DOCK3: variants seen among roughly 807,000 people sequenced by gnomAD.
DOCK3 encodes dedicator of cytokinesis 3, also known as dedicator of cytokinesis protein 3.
Under a neutral mutation model 265.6 loss-of-function variants are expected in DOCK3, and 60 were observed. The ratio of observed to expected loss-of-function variants is 0.23; its 90% CI spans 0.18 to 0.28. The LOEUF is 0.28. Ranked by LOEUF, DOCK3 falls within the 10% of genes least tolerant of loss-of-function variation. The probability of loss-of-function intolerance (pLI) is 1.00; values close to 1 mark genes in which losing one functional copy is unlikely to be tolerated. For missense variants in DOCK3, 1,981 were observed against 2,594.3 expected (o/e 0.76, Z 5.14); for synonymous variants, 881 against 938.0 (o/e 0.94, Z 1.11).
intron 4 of DOCK3, among the ~76,000 whole-genome samples, chr3:50,915,300 A>G (rs2050058786): frequency 6.6e-6 from 1 of 152,032 alleles, no homozygotes. Flanking sequence ...GCTTTGCAGT[A>G]TCCCAGACTA....
At chr3:51,215,981 G>GA (rs3215254) in intron 14 of DOCK3, among the ~76,000 whole-genome samples, 121 of 139,528 alleles carry the variant, frequency 8.7e-4, no homozygotes, top group Admixed American at 1.3e-3. Context: ...TCTTGACTAT[G>GA]AAAAAAAAAA....
At chr3:51,021,868 G>T (rs1316362425) in intron 5 of DOCK3, among the ~76,000 whole-genome samples, 1 of 151,730 alleles carries the variant, frequency 6.6e-6, no homozygotes, top group Non-Finnish European at 1.5e-5. Flanking sequence ...TCACTGTGTT[G>T]GCCAGGCTGG....
At chr3:50,987,691 G>A in intron 5 of DOCK3, among the ~76,000 whole-genome samples, 1 of 152,160 alleles carries the variant, frequency 6.6e-6, no homozygotes, top group East Asian at 1.9e-4. Context: ...TTGACGCATG[G>A]AGAACGAAGA....
At chr3:51,033,158 A>G (rs2080120009) in intron 5 of DOCK3, among the ~76,000 whole-genome samples, 1 of 152,116 alleles carries the variant, frequency 6.6e-6, no homozygotes, top group African/African-American at 2.4e-5. Flanking sequence ...TCCCATTAAA[A>G]CTTTCACAGA....
chr3:50,717,622 T>C (rs2037200118), intron 1 of DOCK3, among the ~76,000 whole-genome samples: 1 of 152,208 alleles, frequency 6.6e-6, no homozygotes, highest in Non-Finnish European at 1.5e-5. Flanking sequence ...AGTGTCTTTA[T>C]GTTTCCTTTT....
intron 1 of DOCK3, among the ~76,000 whole-genome samples, chr3:50,686,475 TCA>T (rs1366596922): frequency 1.3e-5 from 2 of 152,368 alleles, no homozygotes; most frequent in Non-Finnish European, 2.9e-5. Flanking sequence ...CCTGGTTTAT[TCA>T]CAGATTGGTC....
In DOCK3 at chr3:50,927,923, G is replaced by A. The variant is rs1022934093; in HGVS notation, c.219-6058G>A. Reference sequence around the variant, plus strand: ...TCTTTTGAGATTCCTATTAGCAGTAGACGAGAGTTTTTCCACCTCTCTCCC... The same window carrying A: ...TCTTTTGAGATTCCTATTAGCAGTAAACGAGAGTTTTTCCACCTCTCTCCC... On this transcript the variant is annotated intron_variant, in intron 4 of 52. Transcript: ENST00000266037. Among the ~76,000 whole-genome samples the A allele has an allele frequency of 2.0e-5, 3 of 152,090 alleles. No homozygotes were observed. The South Asian group carries it at 6.2e-4, about 32-fold the overall frequency.
chr3:51,232,314 C>T (rs907920325), intron 19 of DOCK3, among the ~76,000 whole-genome samples: 2 of 152,104 alleles, frequency 1.3e-5, no homozygotes, highest in African/African-American at 4.8e-5. Context: ...CTTGCAGATG[C>T]GAATTGTGCT....
rs545755209 is a variant in DOCK3 at position 51,082,456 on chromosome 3, A to C, written c.550-6787A>C. On this transcript the variant is annotated intron_variant, in intron 7 of 52. Coordinates refer to ENST00000266037, the MANE Select transcript of DOCK3 (RefSeq NM_004947.5). ...CCCTGGGGAATGGGTGGTGCAGTGCACCTAGGAGACTGCCCCCATGACAAA... is the reference window on the plus strand; with the variant it reads ...CCCTGGGGAATGGGTGGTGCAGTGCCCCTAGGAGACTGCCCCCATGACAAA... Among the ~76,000 whole-genome samples the C allele has an allele frequency of 2.6e-5, 4 of 152,248 alleles. No individual in the cohort carries two copies. In the South Asian group the frequency reaches 8.3e-4, roughly 32 times the overall value.
At chr3:50,794,077 T>C (rs2042636125) in intron 2 of DOCK3, among the ~76,000 whole-genome samples, 1 of 152,228 alleles carries the variant, frequency 6.6e-6, no homozygotes, top group South Asian at 2.1e-4. Flanking sequence ...TTTAATTTGA[T>C]TGTGCTGTGG....
intron 22 of DOCK3, among the ~76,000 whole-genome samples, chr3:51,249,440 C>G (rs1321179157): frequency 8.0e-6 from 1 of 125,184 alleles, no homozygotes; most frequent in African/African-American, 3.1e-5. Context: ...TCTGTCCGGC[C>G]GCCCCTACTG....
At chr3:51,325,317 A>T (rs1316881665) in intron 32 of DOCK3, among the ~76,000 whole-genome samples, 1 of 152,254 alleles carries the variant, frequency 6.6e-6, no homozygotes, top group African/African-American at 2.4e-5. Context: ...AAAAAAGCTC[A>T]TCATCACTGG....
At chr3:50,847,120 A>G (rs1376178924) in intron 3 of DOCK3, among the ~76,000 whole-genome samples, 1 of 151,728 alleles carries the variant, frequency 6.6e-6, no homozygotes, top group Non-Finnish European at 1.5e-5. Context: ...AGCATTATAA[A>G]CTTGCCTATT....
intron 1 of DOCK3, among the ~76,000 whole-genome samples, chr3:50,773,909 T>C (rs1290509505): frequency 1.3e-5 from 2 of 152,024 alleles, no homozygotes; most frequent in African/African-American, 4.8e-5. Flanking sequence ...TGATAGAGCT[T>C]GGTAGAACTG....
intron 10 of DOCK3, among the ~76,000 whole-genome samples, chr3:51,153,244 G>A (rs1189759032): frequency 6.6e-6 from 1 of 152,218 alleles, no homozygotes; most frequent in Non-Finnish European, 1.5e-5. Context: ...TGCCTCGCAG[G>A]TCGATCTTAG....
At chr3:50,985,559 A>G (rs570538025) in intron 5 of DOCK3, among the ~76,000 whole-genome samples, 5 of 152,272 alleles carry the variant, frequency 3.3e-5, no homozygotes, top group Admixed American at 6.5e-5. Context: ...GTGGGATTCA[A>G]TAGTACATAT....
At chr3:51,153,043 C>T (rs2085682575) in intron 10 of DOCK3, among the ~76,000 whole-genome samples, 1 of 152,260 alleles carries the variant, frequency 6.6e-6, no homozygotes. Context: ...TGCTGTCAGA[C>T]AGGGACGTTT....
chr3:51,119,720 G>A (rs1380495623), intron 9 of DOCK3, among the ~76,000 whole-genome samples: 7 of 151,652 alleles, frequency 4.6e-5, no homozygotes, highest in African/African-American at 1.7e-4. Flanking sequence ...TTGATCTTCA[G>A]TCTCTGATAT....
At chr3:50,772,739 A>C (rs1376337101) in intron 1 of DOCK3, among the ~76,000 whole-genome samples, 1 of 152,228 alleles carries the variant, frequency 6.6e-6, no homozygotes, top group Non-Finnish European at 1.5e-5. Flanking sequence ...CACAGAGGTG[A>C]AAGATTTCTA....
Sources: allele counts gnomAD v4.1 joint callset (sites outside exome capture counted in the v4.1 genomes callset), GRCh38; gene constraint gnomAD v4.1.1; transcripts MANE v1.5; gene names NCBI Gene and HGNC (gene_info 2026-07-23, HGNC 2026-07-21).